Variants in DNAH6 observed in about 807,000 individuals in gnomAD.
DNAH6 encodes axonemal beta dynein heavy chain 6.
In DNAH6, 340 loss-of-function variants were observed where a neutral mutation model predicts 491.4. The ratio of observed to expected loss-of-function variants is 0.69; its 90% CI spans 0.63 to 0.76. The LOEUF is 0.76. Among genes scored for constraint, DNAH6 ranks in the 30% least tolerant of loss-of-function variants. The probability of loss-of-function intolerance (pLI) is 0.00; values close to 1 mark genes in which losing one functional copy is unlikely to be tolerated. For missense variants in DNAH6, 4,443 were observed against 4,972.2 expected (o/e 0.89, Z 3.20); for synonymous variants, 1,603 against 1,686.1 (o/e 0.95, Z 1.21).
At chr2:84,733,708 A>C in intron 62 of DNAH6, 129 bp downstream of exon 62, 1 of 893,524 alleles carries the variant, frequency 1.1e-6, no homozygotes, top group Non-Finnish European at 1.6e-6. Flanking sequence ...TTTCTAAGAA[A>C]CTGTAAATTA....
chr2:84,596,000 G>A (rs1684540227), intron 18 of DNAH6, among the ~76,000 whole-genome samples: 1 of 152,152 alleles, frequency 6.6e-6, no homozygotes, highest in Non-Finnish European at 1.5e-5. Flanking sequence ...TGGTTAGGAG[G>A]GGCATTCAGA....
intron 3 of DNAH6, among the ~76,000 whole-genome samples, chr2:84,527,058 GTATT>G (rs1676667856): frequency 6.6e-6 from 1 of 151,980 alleles, no homozygotes. Context: ...AATAAGAAAG[GTATT>G]TATTCTGAGA....
intron 67 of DNAH6, among the ~76,000 whole-genome samples, chr2:84,786,424 C>CAAAAA (rs34307388): frequency 5.6e-4 from 49 of 88,178 alleles, no homozygotes; most frequent in East Asian, 1.3e-3. Flanking sequence ...GACTCTGTCT[C>CAAAAA]AAAAAAAAAA....
At chr2:84,620,218 A>G (rs1687262502) in intron 24 of DNAH6, among the ~76,000 whole-genome samples, 1 of 152,196 alleles carries the variant, frequency 6.6e-6, no homozygotes. Context: ...TGGTTCTACT[A>G]TCAGGCCACT....
intron 63 of DNAH6, among the ~76,000 whole-genome samples, chr2:84,745,681 A>G (rs183700300): frequency 5.6e-4 from 84 of 150,534 alleles, no homozygotes; most frequent in East Asian, 5.8e-4. Flanking sequence ...AAAAAAAAAA[A>G]AAAGAAACAT....
the DNAH6 span, among the ~76,000 whole-genome samples, chr2:84,470,075 A>G: frequency 6.6e-6 from 1 of 152,116 alleles, no homozygotes; most frequent in African/African-American, 2.4e-5. Flanking sequence ...CCACTTACCC[A>G]AAGTCAGCCA....
intron 57 of DNAH6, among the ~76,000 whole-genome samples, chr2:84,715,279 A>T (rs1315196380): frequency 6.6e-6 from 1 of 152,172 alleles, no homozygotes; most frequent in Non-Finnish European, 1.5e-5. Flanking sequence ...ATTCCAAAAT[A>T]CTGCTTTTAA....
chr2:84,591,421 G>A (rs780865059), intron 16 of DNAH6, among the ~76,000 whole-genome samples: 13 of 151,824 alleles, frequency 8.6e-5, no homozygotes, highest in Non-Finnish European at 1.3e-4. Context: ...AACCTAGGAG[G>A]TAAAAGACTC....
At chr2:84,616,235 T>C (rs961892776) in intron 22 of DNAH6, among the ~76,000 whole-genome samples, 12 of 152,132 alleles carry the variant, frequency 7.9e-5, no homozygotes, top group African/African-American at 2.9e-4. Flanking sequence ...TGTTTCTTTG[T>C]TGACTTTCGG....
At chr2:84,647,527 T>G (rs1690017197) in intron 33 of DNAH6, among the ~76,000 whole-genome samples, 1 of 152,178 alleles carries the variant, frequency 6.6e-6, no homozygotes, top group African/African-American at 2.4e-5. Flanking sequence ...TTAAAGCCAG[T>G]GCTCATTTAC....
intron 64 of DNAH6, chr2:84,778,266 GGGCATCGGT>G: frequency 1.7e-6 from 1 of 580,814 alleles, no homozygotes; most frequent in Non-Finnish European, 3.2e-6. Context: ...CATGTCCGGC[GGGCATCGGT>G]GGCATGTGGC....
intron 18 of DNAH6, among the ~76,000 whole-genome samples, chr2:84,603,411 A>G (rs961893644): frequency 2.0e-5 from 3 of 151,932 alleles, no homozygotes; most frequent in Admixed American, 6.6e-5. Context: ...TTATTTTCTC[A>G]ATTTCTATTT....
At chr2:84,582,199 G>T (rs183119928) in intron 14 of DNAH6, among the ~76,000 whole-genome samples, 110 of 152,198 alleles carry the variant, frequency 7.2e-4, no homozygotes, top group African/African-American at 2.5e-3. Context: ...AAGTTTGCAG[G>T]AATATCTTTC....
At chr2:84,483,426 A>G in the DNAH6 span, among the ~76,000 whole-genome samples, 3 of 152,220 alleles carry the variant, frequency 2.0e-5, no homozygotes, top group African/African-American at 4.8e-5. Context: ...TGAGGATAAC[A>G]GAATGCCATA....
chr2:84,688,468 T>C lies in DNAH6; in HGVS notation c.7167T>C (p.Tyr2389=), dbSNP rs1347348272. The C allele has an allele frequency of 6.5e-7, 1 of 1,533,866 alleles. No individual in the cohort carries two copies. Among genetic ancestry groups the C allele is most frequent in the Admixed American group, 2.2e-5 (1 of 44,732 alleles). The change falls in exon 45 of 77, where the codon TAT becomes TAC. Residue 2389 remains tyrosine, a synonymous_variant. Transcript: ENST00000389394. ...GAGCAGATAAAGCTGATCGGATTTATGATGACATGCCTGATATAGAGAAAA... is the reference window on the plus strand; with the variant it reads ...GAGCAGATAAAGCTGATCGGATTTACGATGACATGCCTGATATAGAGAAAA... ...KFGADKADRI[Y]DDMPDIEKTA...
intron 2 of DNAH6, among the ~76,000 whole-genome samples, chr2:84,520,254 C>A (rs1259855109): frequency 6.6e-6 from 1 of 151,924 alleles, no homozygotes; most frequent in East Asian, 1.9e-4. Context: ...ACATATTTTA[C>A]CTGGAAACCA....
chr2:84,487,497 G>A, the DNAH6 span, among the ~76,000 whole-genome samples: 1 of 152,176 alleles, frequency 6.6e-6, no homozygotes, highest in Non-Finnish European at 1.5e-5. Context: ...TCTGGCTCCT[G>A]TTGTATCCCT....
intron 37 of DNAH6, among the ~76,000 whole-genome samples, chr2:84,662,576 G>A (rs914254816): frequency 3.3e-5 from 5 of 152,206 alleles, no homozygotes; most frequent in Non-Finnish European, 7.4e-5. Context: ...CCATTGCTGA[G>A]GCTTGAGTAG....
At chr2:84,463,815 G>T in the DNAH6 span, among the ~76,000 whole-genome samples, 25 of 152,152 alleles carry the variant, frequency 1.6e-4, no homozygotes, top group Middle Eastern at 6.8e-3. Flanking sequence ...TTTTTCATTT[G>T]CATTGTTTTT....
Sources: gnomAD v4.1 joint callset for allele counts (sites outside exome capture counted in the v4.1 genomes callset) on GRCh38, gnomAD v4.1.1 for gene constraint, MANE v1.5 for transcripts, NCBI Gene and HGNC (gene_info 2026-07-23, HGNC 2026-07-21) for gene names.